The following RAB44 variants were observed in gnomAD, a reference collection of about 807,000 sequenced individuals.
The protein encoded by RAB44 is ras-related protein Rab-44.
A neutral mutation model predicts 93.3 loss-of-function variants in RAB44; 67 were observed. The observed-to-expected ratio is 0.72, with a 90% CI of 0.59 to 0.88. The LOEUF (loss-of-function observed/expected upper bound fraction) is 0.88. Ranked by LOEUF, RAB44 falls within the 40% of genes least tolerant of loss-of-function variation. RAB44 has a pLI of 0.00. For synonymous variants in RAB44, 427 were observed against 520.3 expected, an observed-to-expected ratio of 0.82 and a Z score of 2.44; for missense variants, 1,064 against 1,261.7, an observed-to-expected ratio of 0.84 and a Z score of 2.37.
intron 3 of RAB44, 149 bp downstream of exon 3, chr6:36,714,088 C>T: frequency 1.6e-6 from 1 of 615,428 alleles, no homozygotes; most frequent in South Asian, 1.9e-5. Context: ...CGGGGCCCTC[C>T]CCTGTGCATC....
intron 2 of RAB44, among the ~76,000 whole-genome samples, chr6:36,712,533 T>A (rs546544312): frequency 1.3e-5 from 2 of 152,176 alleles, no homozygotes; most frequent in African/African-American, 4.8e-5. Context: ...CCCGGCTAGT[T>A]TTTGTATTTT....
intron 7 of RAB44, among the ~76,000 whole-genome samples, chr6:36,719,067 C>T (rs1338796982): frequency 6.6e-6 from 1 of 152,156 alleles, no homozygotes; most frequent in African/African-American, 2.4e-5. Context: ...CTACAGGCGC[C>T]CATCACTGCG....
At position 36,717,778 on chromosome 6, in the gene RAB44, C is replaced by A. The variant is rs998853172; in HGVS notation, c.642-250C>A. Reference sequence around the variant, plus strand: ...GATGGGGTGATGGGGACAATGAGACCCTGGCCAGGGGAACTGGTGACGGTT... The same window carrying A: ...GATGGGGTGATGGGGACAATGAGACACTGGCCAGGGGAACTGGTGACGGTT... On this transcript the variant is annotated intron_variant, in intron 5 of 13. Coordinates refer to ENST00000612677, the MANE Select transcript of RAB44 (RefSeq NM_001257357.2). The surrounding 1 kb of genome is among the most constrained non-coding windows in gnomAD (Gnocchi z 4.1). Among the ~76,000 whole-genome samples the A allele has an allele frequency of 1.5e-5, 1 of 68,002 alleles. No individual in the cohort carries two copies. Among genetic ancestry groups the A allele is most frequent in the Admixed American group, 1.3e-4 (1 of 7,858 alleles). The allele number at this position is 68,002 out of a possible 152,430, so 44.6% of individuals were successfully genotyped here.
At chr6:36,710,887 GT>G (rs1338752547) in intron 2 of RAB44, among the ~76,000 whole-genome samples, 4 of 152,170 alleles carry the variant, frequency 2.6e-5, no homozygotes, top group Non-Finnish European at 2.9e-5. Flanking sequence ...GTCTCCCAAA[GT>G]GCTAGGATTA....
intron 2 of RAB44, among the ~76,000 whole-genome samples, chr6:36,706,394 A>C (rs1762650508): frequency 6.6e-6 from 1 of 152,190 alleles, no homozygotes; most frequent in Admixed American, 6.5e-5. Flanking sequence ...TCTCTTCACC[A>C]GATGTCACCT....
chr6:36,716,634 C>T (rs940587632), intron 4 of RAB44, among the ~76,000 whole-genome samples: 2 of 151,962 alleles, frequency 1.3e-5, no homozygotes, highest in Admixed American at 6.6e-5. Flanking sequence ...AGATTCCTCA[C>T]GCTTGGCTCC....
At chr6:36,715,218 G>A (rs967927067) in intron 3 of RAB44, among the ~76,000 whole-genome samples, 3 of 152,160 alleles carry the variant, frequency 2.0e-5, no homozygotes, top group East Asian at 3.8e-4. Context: ...AGTGCATGAA[G>A]AATTTGTTCA....
chr6:36,713,587 G>T (rs1012217226), intron 2 of RAB44, among the ~76,000 whole-genome samples: 1 of 152,172 alleles, frequency 6.6e-6, no homozygotes, highest in African/African-American at 2.4e-5. Flanking sequence ...CTTAGGACAC[G>T]TACGTTTTGA....
intron 9 of RAB44, 59 bp downstream of exon 9, chr6:36,722,792 G>A (rs1225307891): frequency 4.5e-6 from 7 of 1,538,868 alleles, no homozygotes; most frequent in Non-Finnish European, 3.5e-6. Flanking sequence ...CAGGGCCAAC[G>A]AGTGAGAGCG....
In RAB44 at chr6:36,727,583, C is replaced by T. The variant is rs1361207055; in HGVS notation, c.2688C>T (p.His896=). The change falls in exon 11 of 14, where the codon CAC becomes CAT. Residue 896 remains histidine, a synonymous_variant. Coordinates refer to ENST00000612677, the MANE Select transcript of RAB44 (RefSeq NM_001257357.2). The part of the protein sequence containing the change: ...LWDTAGQERY[H]SMTRQLLRKA... ...ATGCAGACTCTCTGGGCAGGTACCA[C>T]AGTATGACGCGACAGCTGCTCCGCA... 1.3e-6 allele frequency: 2 copies of T among 1,550,132 alleles called. No individual in the cohort carries two copies. The highest frequency in any genetic ancestry group is 1.7e-4 in the Middle Eastern group (1 of 5,952).
At chr6:36,720,337 T>A in intron 7 of RAB44, 26 bp from the exon 8 acceptor site, 2 of 1,232,216 alleles carry the variant, frequency 1.6e-6, no homozygotes, top group Non-Finnish European at 2.0e-6. Context: ...TCTGGGCTTC[T>A]CTCCGCCTCA....
Position 36,704,419 on chromosome 6 carries a change from T to G in RAB44, c.184T>G (p.Phe62Val). ...GGACTGTGGTGCCAAGGAGAGGGGCTTTGTCACCCGCGAGGACCTGGCGGT... is the reference window on the plus strand; with the variant it reads ...GGACTGTGGTGCCAAGGAGAGGGGCGTTGTCACCCGCGAGGACCTGGCGGT... ...FQDCGAKERGFVTREDLAVAK... is the reference protein window; with the variant it reads ...FQDCGAKERGVVTREDLAVAK... The change falls in exon 2 of 14, where the codon TTT (phenylalanine) becomes GTT (valine). Residue 62 changes from phenylalanine to valine, a missense_variant. Phe to Val is a conservative substitution (Grantham distance 50). Transcript: ENST00000612677. The G allele has an allele frequency of 6.5e-7, 1 of 1,535,780 alleles. No individual in the cohort carries two copies. Among genetic ancestry groups the G allele is most frequent in the Non-Finnish European group, 8.7e-7 (1 of 1,146,820 alleles).
At position 36,717,343 on chromosome 6, in the gene RAB44, G is replaced by C. The variant is rs575017281; in HGVS notation, c.565G>C (p.Gly189Arg). The C allele has an allele frequency of 1.0e-4, 124 of 1,232,230 alleles. No individual in the cohort carries two copies. In the African/African-American group the frequency reaches 1.7e-3, roughly 17 times the overall value. The allele number at this position is 1,232,230 out of a possible 1,614,324, so 76.3% of individuals were successfully genotyped here. A position where few individuals can be genotyped will look rare whatever the true frequency, so the allele number is the denominator to read the frequency against. ...EEPQLAGNLA[G>R]FLAKMTSRLQ... ...GCCCCAGCTGGCAGGCAACCTGGCAGGCTTTCTGGCCAAGATGACCAGCCG... is the reference window on the plus strand; with the variant it reads ...GCCCCAGCTGGCAGGCAACCTGGCACGCTTTCTGGCCAAGATGACCAGCCG... Residue 189 changes from glycine to arginine, a missense_variant, in exon 5 of 14, where the codon GGC becomes CGC. Physicochemically the swap from Gly to Arg is moderately radical, Grantham distance 125 (BLOSUM62 -2). Coordinates refer to ENST00000612677, the MANE Select transcript of RAB44 (RefSeq NM_001257357.2). The surrounding 1 kb of genome is among the most constrained non-coding windows in gnomAD (Gnocchi z 4.1).
rs1762985164 is a variant in RAB44, at chr6:36,718,540, A to T, written c.780A>T (p.Leu260=). 8.1e-7 allele frequency: 1 copy of T among 1,234,186 alleles called. No individual in the cohort carries two copies. The highest frequency in any genetic ancestry group is 1.0e-6 in the Non-Finnish European group (1 of 988,138). The allele number at this position is 1,234,186 out of a possible 1,614,324, so 76.5% of individuals were successfully genotyped here. A position where few individuals can be genotyped will look rare whatever the true frequency, so the allele number is the denominator to read the frequency against. The change falls in exon 7 of 14, where the codon CTA becomes CTT. Residue 260 remains leucine (L), a synonymous_variant. Transcript: ENST00000612677. ...LALTSQMQDV[L]EAKEREVQRL... ...TCACCTCCCAGATGCAGGACGTCCT[A>T]GAGGCCAAGGAGCGCGAGGTGCAGC...
intron 6 of RAB44, 114 bp from the exon 7 acceptor site, chr6:36,718,379 G>T: frequency 2.0e-6 from 1 of 507,126 alleles, no homozygotes; most frequent in South Asian, 1.1e-4. Context: ...CCTCCCTGCT[G>T]GGGCATCCTG....
chr6:36,710,373 C>T (rs1038644869), intron 2 of RAB44, among the ~76,000 whole-genome samples: 24 of 152,250 alleles, frequency 1.6e-4, no homozygotes, highest in African/African-American at 5.5e-4. Context: ...TAGCATGTGT[C>T]CAAATGTTCT....
chr6:36,728,966 C>T (rs1282912629), intron 12 of RAB44, among the ~76,000 whole-genome samples, 165 bp downstream of exon 12: 1 of 152,178 alleles, frequency 6.6e-6, no homozygotes, highest in African/African-American at 2.4e-5. Flanking sequence ...GCAGCCTAGC[C>T]ACCTCTGCCT....
intron 2 of RAB44, among the ~76,000 whole-genome samples, chr6:36,709,812 C>A (rs980587901): frequency 3.3e-5 from 5 of 152,178 alleles, no homozygotes; most frequent in African/African-American, 4.8e-5. Context: ...CTGCCTAGGC[C>A]TCCCAAAGTG....
At chr6:36,719,768 A>G (rs1320609104) in intron 7 of RAB44, among the ~76,000 whole-genome samples, 1 of 152,240 alleles carries the variant, frequency 6.6e-6, no homozygotes, top group Non-Finnish European at 1.5e-5. Context: ...GGCAGAGGGA[A>G]CAGCAGGTGC....
Sources: gnomAD v4.1 joint callset for allele counts (sites outside exome capture counted in the v4.1 genomes callset) on GRCh38, gnomAD v4.1.1 for gene constraint, Gnocchi (gnomAD v3.1) non-coding constraint, MANE v1.5 for transcripts, NCBI Gene and HGNC (gene_info 2026-07-23, HGNC 2026-07-21) for gene names.